DNAH2: variants seen among roughly 807,000 people sequenced by gnomAD.
DNAH2 encodes the protein dynein axonemal heavy chain 2, also known as axonemal beta dynein heavy chain 2.
In DNAH2, 323 loss-of-function variants were observed where a neutral mutation model predicts 523.5. That is an observed-to-expected ratio of 0.62 (90% CI 0.56 to 0.68). The LOEUF is 0.68. DNAH2 is among the 30% of genes least tolerant of loss of function. The pLI is 0.00. For synonymous variants in DNAH2, 2,093 were observed against 2,177.4 expected, an observed-to-expected ratio of 0.96 and a Z score of 1.08; for missense variants, 4,907 against 5,701.5, an observed-to-expected ratio of 0.86 and a Z score of 4.49.
intron 12 of DNAH2, among the ~76,000 whole-genome samples, chr17:7,751,943 G>GTGTA (rs1263916181): frequency 2.6e-5 from 4 of 150,980 alleles, no homozygotes; most frequent in Non-Finnish European, 5.9e-5. Context: ...GTGTGTGTGT[G>GTGTA]TGTGCGTGTT....
rs2076568870 is a variant in DNAH2 at position 7,780,312 on chromosome 17, G to A, written c.5850+28G>A. On this transcript the variant is annotated intron_variant, in intron 37 of 85. Coordinates refer to ENST00000572933, the MANE Select transcript of DNAH2 (RefSeq NM_020877.5). This position sits in a 1 kb window ranked among gnomAD's most constrained non-coding sequence, Gnocchi z 4.4. The stretch of plus-strand genomic sequence containing the variant: ...ACTCCAATAACCCCTTTTCTCCAGT[G>A]ATTTTAATTTCCTTTCATAATTATT... 1 of 1,613,508 alleles carries A rather than the reference G, an allele frequency of 6.2e-7. No homozygotes were observed. Among genetic ancestry groups the A allele is most frequent in the African/African-American group, 1.3e-5 (1 of 74,950 alleles).
In DNAH2 at chr17:7,760,359, TA is replaced by T. The variant is rs1226130556; in HGVS notation, c.2786-370del. On this transcript the variant is annotated intron_variant, in intron 17 of 85. Transcript: ENST00000572933. This position sits in a 1 kb window ranked among gnomAD's most constrained non-coding sequence, Gnocchi z 4.0. ...CTGGGTGACAGAGTGAGACTCCATC[TA>T]AAAAAAAAAACAAAAACAGGGGGGC... Among the ~76,000 whole-genome samples the T allele has an allele frequency of 2.9e-4, 32 of 109,106 alleles. No individual in the cohort carries two copies. The highest frequency in any genetic ancestry group is 5.6e-4 in the South Asian group (2 of 3,552). The allele number at this position is 109,106 out of a possible 152,430, so 71.6% of individuals were successfully genotyped here.
chr17:7,731,689 T>C (rs2074992878), intron 4 of DNAH2, among the ~76,000 whole-genome samples: 2 of 152,150 alleles, frequency 1.3e-5, no homozygotes, highest in South Asian at 4.1e-4. Context: ...TTATTTATAT[T>C]TAACGTATGT....
chr17:7,817,343 C>T lies in DNAH2; in HGVS notation c.9948C>T (p.Ala3316=). 6.2e-7 allele frequency: 1 copy of T among 1,608,856 alleles called. No homozygotes were observed. The highest frequency in any genetic ancestry group is 8.5e-7 in the Non-Finnish European group (1 of 1,178,566). Residue 3316 remains alanine, a synonymous_variant, in exon 65 of 86, where the codon GCC becomes GCT. Coordinates refer to ENST00000572933, the MANE Select transcript of DNAH2 (RefSeq NM_020877.5). ...YLVGDCLLAA[A]FLSYMGPFLT... ...TGGGGGACTGTCTCCTGGCAGCTGC[C>T]TTCCTGTCCTACATGGGACCCTTCC...
rs747664227 is a variant in DNAH2, at chr17:7,740,970, G to A, written c.1667G>A (p.Arg556His). 4.5e-5 allele frequency: 73 copies of A among 1,605,476 alleles called. No individual in the cohort carries two copies. Among genetic ancestry groups the A allele is most frequent in the Non-Finnish European group, 5.6e-5 (66 of 1,173,362 alleles). The part of the protein sequence containing the change: ...GKARWVHILR[R>H]RIDRVMTCLA... ...GCGCGCTGGGTGCACATCCTCCGGC[G>A]TCGCATCGACAGAGTCATGACCGTA... The change falls in exon 11 of 86, where the codon CGT (arginine) becomes CAT (histidine). Residue 556 changes from arginine (R) to histidine (H), a missense_variant. By Grantham distance (29) the Arg-to-His change is conservative. This residue lies in a region of DNAH2 where 2,806 missense variants were observed against 3,190.8 expected (regional missense o/e 0.88). Transcript: ENST00000572933.
Position 7,833,194 on chromosome 17 carries a change from G to GCT in DNAH2, c.13103_13104insTC (p.Glu4369GlnfsTer42). ...CATGCCCACGATCCACTTCCGGCCT[G>GCT]CAGAGAGCCGCAAGAAGAGCGCCAA... On this transcript the variant is annotated frameshift_variant, in exon 85 of 86. Coordinates refer to ENST00000572933, the MANE Select transcript of DNAH2 (RefSeq NM_020877.5). LOFTEE classifies it high-confidence loss of function. 1 of 1,607,778 alleles carries GCT rather than the reference G, an allele frequency of 6.2e-7. No homozygotes were observed.
intron 11 of DNAH2, among the ~76,000 whole-genome samples, chr17:7,741,501 G>T (rs946304632): frequency 3.3e-5 from 5 of 150,732 alleles, no homozygotes; most frequent in African/African-American, 7.3e-5. Flanking sequence ...GGGACTACAG[G>T]TGCCCGCCAC....
At position 7,798,893 on chromosome 17, in the gene DNAH2, T is replaced by C. The variant is rs2077143759; in HGVS notation, c.8559+175T>C. On this transcript the variant is annotated intron_variant, in intron 55 of 85. Coordinates refer to ENST00000572933, the MANE Select transcript of DNAH2 (RefSeq NM_020877.5). The surrounding 1 kb of genome is among the most constrained non-coding windows in gnomAD (Gnocchi z 5.5). Reference sequence around the variant, plus strand: ...TCCAGGGACCCTGGGCAGAGCTGCTTTAAAACCCACGCTTCAGAGCCAGGC... The same window carrying C: ...TCCAGGGACCCTGGGCAGAGCTGCTCTAAAACCCACGCTTCAGAGCCAGGC... Among the ~76,000 whole-genome samples, 1 of 152,150 alleles carries C rather than the reference T, an allele frequency of 6.6e-6. No individual in the cohort carries two copies. The highest frequency in any genetic ancestry group is 2.4e-5 in the African/African-American group (1 of 41,428).
intron 12 of DNAH2, among the ~76,000 whole-genome samples, chr17:7,753,370 G>A (rs901404844): frequency 2.6e-5 from 4 of 152,172 alleles, no homozygotes; most frequent in African/African-American, 9.7e-5. Context: ...GCAGGTTTGG[G>A]GATCATCAGC....
In DNAH2 at chr17:7,743,144, T is replaced by G; in HGVS notation, c.1904+2T>G. 1 of 1,604,938 alleles carries G rather than the reference T, an allele frequency of 6.2e-7. No individual in the cohort carries two copies. Among genetic ancestry groups the G allele is most frequent in the Non-Finnish European group, 8.5e-7 (1 of 1,177,296 alleles). On this transcript the variant is annotated splice_donor_variant, in intron 12 of 85. Coordinates refer to ENST00000572933, the MANE Select transcript of DNAH2 (RefSeq NM_020877.5). LOFTEE classifies it high-confidence loss of function. ...CATGCTGGATGTCAACTTTGACAAG[T>G]ACAGGAGCCACCTGGCCCCTTTTCC...
rs750039320 is a variant in DNAH2 at position 7,830,421 on chromosome 17, T to C, written c.11975T>C (p.Leu3992Ser). Residue 3992 changes from leucine (L) to serine (S), a missense_variant, in exon 78 of 86, where the codon TTA becomes TCA. Leu to Ser is a moderately radical substitution (Grantham distance 145). Transcript: ENST00000572933. ...TCACTCTGTTTCTTCCACTCTGTGTTACTTGAACGCAAAAAGTTCCTGCAG... is the reference window on the plus strand; with the variant it reads ...TCACTCTGTTTCTTCCACTCTGTGTCACTTGAACGCAAAAAGTTCCTGCAG... Reference protein sequence around the residue: ...LFSLCFFHSVLLERKKFLQLG... With the variant: ...LFSLCFFHSVSLERKKFLQLG... 1.2e-6 allele frequency: 2 copies of C among 1,614,252 alleles called. No homozygotes were observed. Among genetic ancestry groups the C allele is most frequent in the South Asian group, 2.2e-5 (2 of 91,090 alleles).
Position 7,798,992 on chromosome 17 carries a change from G to GGA in DNAH2, c.8560-109_8560-108dup. 1 of 1,443,886 alleles carries GGA rather than the reference G, an allele frequency of 6.9e-7. No individual in the cohort carries two copies. The highest frequency in any genetic ancestry group is 9.3e-7 in the Non-Finnish European group (1 of 1,071,906). The allele number at this position is 1,443,886 out of a possible 1,614,324, so 89.4% of individuals were successfully genotyped here. On this transcript the variant is annotated intron_variant, in intron 55 of 85. Transcript: ENST00000572933. The surrounding 1 kb of genome is among the most constrained non-coding windows in gnomAD (Gnocchi z 5.5). ...GAAGTGGGAGGATGGTTTGAGGCCA[G>GGA]GAGTTCAAGTCCAGCCTGGGAAACA...
chr17:7,763,304 G>A (rs575045837), intron 18 of DNAH2, among the ~76,000 whole-genome samples: 5 of 152,244 alleles, frequency 3.3e-5, no homozygotes, highest in South Asian at 4.1e-4. Flanking sequence ...GACTACAGGC[G>A]CCTGCCACCG....
At chr17:7,788,603 C>T (rs1400422224) in intron 44 of DNAH2, among the ~76,000 whole-genome samples, 1 of 152,160 alleles carries the variant, frequency 6.6e-6, no homozygotes, top group Admixed American at 6.5e-5. Flanking sequence ...GGCCCTGGGA[C>T]ACCATTTCTC....
At chr17:7,791,879 T>C in intron 44 of DNAH2, 38 bp from the exon 45 acceptor site, 1 of 1,599,378 alleles carries the variant, frequency 6.3e-7, no homozygotes, top group Non-Finnish European at 8.5e-7. Flanking sequence ...CCTGGTCTCT[T>C]ACAGGTGGGT....
chr17:7,750,533 G>T (rs2075654575), intron 12 of DNAH2, among the ~76,000 whole-genome samples: 1 of 152,018 alleles, frequency 6.6e-6, no homozygotes, highest in Non-Finnish European at 1.5e-5. Context: ...TTGAGTTTTT[G>T]CATGATTGAC....
intron 11 of DNAH2, among the ~76,000 whole-genome samples, chr17:7,741,659 C>CTTTTTCT (rs1259007569): frequency 3.3e-5 from 5 of 149,760 alleles, no homozygotes; most frequent in East Asian, 2.0e-4. Flanking sequence ...CGCCCGGCTT[C>CTTTTTCT]TTTTTCTTTT....
chr17:7,740,955 T>C lies in DNAH2; in HGVS notation c.1652T>C (p.Val551Ala), dbSNP rs1382436332. 1 of 1,609,174 alleles carries C rather than the reference T, an allele frequency of 6.2e-7. No individual in the cohort carries two copies. The highest frequency in any genetic ancestry group is 8.5e-7 in the Non-Finnish European group (1 of 1,176,018). Residue 551 changes from valine to alanine, a missense_variant, in exon 11 of 86, where the codon GTG becomes GCG. Physicochemically the swap from Val to Ala is moderately conservative, Grantham distance 64. Transcript: ENST00000572933. ...VAQYSGKARW[V>A]HILRRRIDRV... ...CAGTATTCCGGAAAGGCGCGCTGGG[T>C]GCACATCCTCCGGCGTCGCATCGAC...
At position 7,788,190 on chromosome 17, in the gene DNAH2, C is replaced by T. The variant is rs372104836; in HGVS notation, c.6846C>T (p.Ser2282=). ...CKELVPLPEY[S]GITSLCKLYS... is the part of the protein sequence containing the mutation. ...AGCTGGTGCCCCTGCCCGAGTACAG[C>T]GGTATCACCTCCCTCTGCAAGCTGT... The change falls in exon 44 of 86, where the codon AGC becomes AGT. Residue 2282 remains serine (S), a synonymous_variant. Transcript: ENST00000572933. The T allele has an allele frequency of 9.7e-5, 156 of 1,611,394 alleles. No individual in the cohort carries two copies. The highest frequency in any genetic ancestry group is 1.3e-4 in the Non-Finnish European group (148 of 1,178,824).
Sources: allele counts gnomAD v4.1 joint callset (sites outside exome capture counted in the v4.1 genomes callset), GRCh38; gene constraint gnomAD v4.1.1; regional missense constraint gnomAD v4.1.1; non-coding constraint Gnocchi (gnomAD v3.1); transcripts MANE v1.5; gene names NCBI Gene and HGNC (gene_info 2026-07-23, HGNC 2026-07-21).